Variants in SLC11A2 observed in about 807,000 individuals in gnomAD.
SLC11A2 encodes solute carrier family 11 member 2.
SLC11A2 carries 38 observed loss-of-function variants against 68.0 expected under a neutral mutation model. That is an observed-to-expected ratio of 0.56 (90% confidence interval 0.43 to 0.73). SLC11A2 has a LOEUF of 0.73. Ranked by LOEUF, SLC11A2 falls within the 30% of genes least tolerant of loss-of-function variation. SLC11A2 has a pLI of 0.00. For synonymous variants in SLC11A2, 242 were observed against 250.6 expected (o/e 0.97, Z 0.32); for missense variants, 517 against 690.5 (o/e 0.75, Z 2.82).
intron 3 of SLC11A2, 174 bp downstream of exon 3, chr12:51,008,302 G>C: frequency 1.9e-6 from 1 of 521,984 alleles, no homozygotes; most frequent in Admixed American, 3.0e-5. Flanking sequence ...ATATAGATGG[G>C]GTGTGTGTGT....
chr12:51,023,642 T>C (rs1944189397), intron 1 of SLC11A2, among the ~76,000 whole-genome samples: 1 of 152,034 alleles, frequency 6.6e-6, no homozygotes, highest in Non-Finnish European at 1.5e-5. Context: ...TCAAACACAC[T>C]CAGTTCTTTA....
intron 5 of SLC11A2, chr12:51,000,715 C>G: frequency 1.7e-6 from 1 of 586,814 alleles, no homozygotes. Context: ...TTGCCATTTA[C>G]TAACTTCCAC....
the SLC11A2 span, among the ~76,000 whole-genome samples, chr12:50,970,671 C>T: frequency 6.6e-6 from 1 of 152,148 alleles, no homozygotes; most frequent in Non-Finnish European, 1.5e-5. Context: ...TCCAGATCAA[C>T]AATCATAAAC....
the SLC11A2 span, among the ~76,000 whole-genome samples, chr12:50,966,856 G>A: frequency 7.2e-5 from 11 of 152,230 alleles, no homozygotes; most frequent in East Asian, 2.1e-3. Context: ...GTATTGTGAT[G>A]AGCCACTCAC....
chr12:50,987,664 C>T lies in SLC11A2; in HGVS notation c.*661G>A. The T allele has an allele frequency of 1.6e-6, 2 of 1,286,878 alleles. No individual in the cohort carries two copies. Among genetic ancestry groups the T allele is most frequent in the Non-Finnish European group, 2.0e-6 (2 of 988,366 alleles). 79.7% of individuals were successfully genotyped at this position (1,286,878 alleles called of 1,614,324 possible). ...TGAGAAGGTAATTAGTAAGCACCACCTAGCGATGTGGTGCTGGTTTTGTTA... is the reference window on the plus strand; with the variant it reads ...TGAGAAGGTAATTAGTAAGCACCACTTAGCGATGTGGTGCTGGTTTTGTTA... On this transcript the variant is annotated 3_prime_UTR_variant, in exon 16 of 16. Transcript: ENST00000262052.
intron 1 of SLC11A2, among the ~76,000 whole-genome samples, chr12:51,024,037 A>G (rs1485306355): frequency 6.6e-6 from 1 of 152,140 alleles, no homozygotes; most frequent in Non-Finnish European, 1.5e-5. Context: ...TCCAAAACTA[A>G]ACAACTAAAC....
At chr12:51,003,625 T>A (rs924548059) in intron 5 of SLC11A2, among the ~76,000 whole-genome samples, 1 of 149,374 alleles carries the variant, frequency 6.7e-6, no homozygotes, top group Non-Finnish European at 1.5e-5. Flanking sequence ...ACTATTAACG[T>A]GTATGAAGAA....
At chr12:50,977,844 G>C, downstream of SLC11A2, among the ~76,000 whole-genome samples, 1 of 152,124 alleles carries the variant, frequency 6.6e-6, no homozygotes, top group East Asian at 1.9e-4. Flanking sequence ...GATATGAACA[G>C]ACACTTCTCA....
At chr12:51,007,798 G>C (rs1360566773) in intron 3 of SLC11A2, among the ~76,000 whole-genome samples, 1 of 152,078 alleles carries the variant, frequency 6.6e-6, no homozygotes. Flanking sequence ...ATACCACCAT[G>C]CCCAGCTAAT....
At chr12:50,990,675 A>T in intron 15 of SLC11A2, 120 bp downstream of exon 15, 1 of 997,870 alleles carries the variant, frequency 1.0e-6, no homozygotes, top group Non-Finnish European at 1.5e-6. Context: ...CTCCCAAAGT[A>T]CTGGGATTAT....
At chr12:51,012,359 AT>A (rs934221056) in intron 1 of SLC11A2, among the ~76,000 whole-genome samples, 34 of 152,024 alleles carry the variant, frequency 2.2e-4, no homozygotes, top group South Asian at 4.2e-4. Flanking sequence ...TAAAAAAAAA[AT>A]GTTTCAATCT....
At chr12:50,973,424 G>A in the SLC11A2 span, among the ~76,000 whole-genome samples, 1 of 152,166 alleles carries the variant, frequency 6.6e-6, no homozygotes, top group Non-Finnish European at 1.5e-5. Context: ...ACCTGCAGCT[G>A]AGGGTCCTGA....
rs1167227027 is a variant in SLC11A2 at position 51,003,406 on chromosome 12, C to T, written c.429+1382G>A. 3.3e-5 allele frequency among the ~76,000 whole-genome samples: 5 copies of T among 151,074 alleles called. No individual in the cohort carries two copies. The East Asian group carries it at 5.8e-4, about 18-fold the overall frequency. The stretch of plus-strand genomic sequence containing the variant: ...TACAAAAATTAGCCAGATGGTGGCA[C>T]GTGGCTGTAATCCAAGCTAGTCAGG... On this transcript the variant is annotated intron_variant, in intron 5 of 15. Transcript: ENST00000262052.
chr12:50,990,129 C>T (rs574523401), intron 15 of SLC11A2, among the ~76,000 whole-genome samples: 6 of 152,194 alleles, frequency 3.9e-5, no homozygotes, highest in African/African-American at 1.4e-4. Context: ...ATTTTACATA[C>T]CTTTTTCATG....
chr12:50,981,798 A>G (rs12831023), downstream of SLC11A2: 1 of 1,522,808 alleles, frequency 6.6e-7, no homozygotes, highest in East Asian at 2.5e-5. Flanking sequence ...TCAATCCCAG[A>G]TGGCACTAAG....
intron 1 of SLC11A2, among the ~76,000 whole-genome samples, chr12:51,012,971 C>T (rs1008167398): frequency 4.6e-5 from 7 of 152,198 alleles, no homozygotes; most frequent in African/African-American, 1.7e-4. Flanking sequence ...AGCACAGCCC[C>T]GACGTTCCCG....
At chr12:50,960,844 G>A in the SLC11A2 span, 1 of 755,928 alleles carries the variant, frequency 1.3e-6, no homozygotes, top group South Asian at 2.2e-5. Flanking sequence ...CACCATGTGT[G>A]GCTAATTTTT....
rs1427888009 is a variant in SLC11A2, at chr12:50,986,556, A to G, written c.*1769T>C. ...CCAGGGCAAAGATACATGTTACCAT[A>G]TCATCTTTATAAAGAATTTTTTTTT... is the stretch of plus-strand genomic sequence containing the variant. On this transcript the variant is annotated 3_prime_UTR_variant, in exon 16 of 16. Transcript: ENST00000262052. The G allele has an allele frequency of 3.9e-6, 5 of 1,286,960 alleles. No homozygotes were observed. Among genetic ancestry groups the G allele is most frequent in the Non-Finnish European group, 5.1e-6 (5 of 988,674 alleles). The allele number at this position is 1,286,960 out of a possible 1,614,324, so 79.7% of individuals were successfully genotyped here. A position where few individuals can be genotyped will look rare whatever the true frequency, so the allele number is the denominator to read the frequency against.
At position 50,986,846 on chromosome 12, in the gene SLC11A2, T is replaced by G. The variant is rs1940618830; in HGVS notation, c.*1479A>C. ...AAAGACCATCCATCCAGTCTGCGCT[T>G]TTGACTGTGTGCAAGTATCAGTAAT... On this transcript the variant is annotated 3_prime_UTR_variant, in exon 16 of 16. Coordinates refer to ENST00000262052, the MANE Select transcript of SLC11A2 (RefSeq NM_000617.3). The G allele has an allele frequency of 7.8e-7, 1 of 1,287,090 alleles. No homozygotes were observed. The highest frequency in any genetic ancestry group is 1.0e-6 in the Non-Finnish European group (1 of 988,696). The allele number at this position is 1,287,090 out of a possible 1,614,324, so 79.7% of individuals were successfully genotyped here. A position where few individuals can be genotyped will look rare whatever the true frequency, so the allele number is the denominator to read the frequency against.
Sources: gnomAD v4.1 joint callset for allele counts (sites outside exome capture counted in the v4.1 genomes callset) on GRCh38, gnomAD v4.1.1 for gene constraint, MANE v1.5 for transcripts, NCBI Gene and HGNC (gene_info 2026-07-23, HGNC 2026-07-21) for gene names.